TNRC18: variants seen among roughly 807,000 people sequenced by gnomAD.
TNRC18 encodes the protein trinucleotide repeat-containing gene 18 protein.
TNRC18 carries 69 observed loss-of-function variants against 226.7 expected under a neutral mutation model. That is an observed-to-expected ratio of 0.30 (90% CI 0.25 to 0.37). The LOEUF is 0.37. TNRC18 is among the 10% of genes least tolerant of loss of function. The pLI is 1.00. For missense variants in TNRC18, 4,754 were observed against 4,256.6 expected (o/e 1.12, Z -3.25); for synonymous variants, 2,449 against 1,927.6 (o/e 1.27, Z -7.09).
At chr7:5,410,449 T>A (rs1414213623) in intron 2 of TNRC18, among the ~76,000 whole-genome samples, 1 of 151,530 alleles carries the variant, frequency 6.6e-6, no homozygotes, top group Non-Finnish European at 1.5e-5. Context: ...ATACAAAAAA[T>A]TTCAGAATGA....
intron 2 of TNRC18, among the ~76,000 whole-genome samples, chr7:5,400,502 CGGGAG>C (rs1781010605): frequency 6.6e-6 from 1 of 151,990 alleles, no homozygotes. Context: ...CCCAGCTACT[CGGGAG>C]GTTTTTAGGA....
chr7:5,316,101 G>A, intron 24 of TNRC18, 29 bp from the exon 25 acceptor site: 1 of 1,574,234 alleles, frequency 6.4e-7, no homozygotes, highest in Non-Finnish European at 8.7e-7. Flanking sequence ...CTCAGGGGAG[G>A]CCCTCGGACC....
At chr7:5,412,794 G>A (rs1387987159) in intron 2 of TNRC18, among the ~76,000 whole-genome samples, 1 of 152,154 alleles carries the variant, frequency 6.6e-6, no homozygotes, top group Non-Finnish European at 1.5e-5. Context: ...GGATTACCAG[G>A]AGCTTCCAGG....
chr7:5,370,300 G>A, intron 11 of TNRC18, 75 bp downstream of exon 11: 7 of 1,465,220 alleles, frequency 4.8e-6, no homozygotes, highest in Non-Finnish European at 5.4e-6. Flanking sequence ...TCCAGCCTGG[G>A]CAACACAGCA....
At chr7:5,359,984 T>G (rs1792861716) in intron 14 of TNRC18, among the ~76,000 whole-genome samples, 4 of 150,210 alleles carry the variant, frequency 2.7e-5, no homozygotes, top group Admixed American at 2.6e-4. Flanking sequence ...TCTTTTCCAG[T>G]AAGGGAAAAA....
chr7:5,338,249 AAT>A (rs1453771874), intron 18 of TNRC18, among the ~76,000 whole-genome samples: 1 of 152,194 alleles, frequency 6.6e-6, no homozygotes, highest in African/African-American at 2.4e-5. Flanking sequence ...AACATATTCA[AAT>A]AAATTTGTTT....
chr7:5,406,012 A>T (rs1244384839), intron 2 of TNRC18, among the ~76,000 whole-genome samples: 3 of 152,230 alleles, frequency 2.0e-5, no homozygotes, highest in African/African-American at 7.2e-5. Context: ...GGGTAGAAAG[A>T]ACCCAGCTGT....
intron 17 of TNRC18, among the ~76,000 whole-genome samples, chr7:5,348,731 C>T (rs984312541): frequency 6.6e-6 from 1 of 151,954 alleles, no homozygotes; most frequent in Non-Finnish European, 1.5e-5. Context: ...GACTGGCCCC[C>T]GGAGCAATGG....
At chr7:5,344,080 C>T (rs555743905) in intron 18 of TNRC18, among the ~76,000 whole-genome samples, 3 of 152,174 alleles carry the variant, frequency 2.0e-5, no homozygotes, top group Non-Finnish European at 4.4e-5. Flanking sequence ...ACAGTCAACG[C>T]AGAATAAAGG....
rs1290831416 is a variant in TNRC18 at position 5,388,956 on chromosome 7, C to G, written c.868G>C (p.Asp290His). 2 of 1,386,386 alleles carry G rather than the reference C, an allele frequency of 1.4e-6. No individual in the cohort carries two copies. The highest frequency in any genetic ancestry group is 1.9e-6 in the Non-Finnish European group (2 of 1,064,680). The allele number at this position is 1,386,386 out of a possible 1,614,324, so 85.9% of individuals were successfully genotyped here. ...GCCACCAGCGCGGGCAGCCCCACGT[C>G]CCCGGCGCCGCCGTTGCACATGGTC... ...VLTMCNGGAG[D>H]VGLPALVAEA... is the part of the protein sequence containing the mutation. Residue 290 changes from aspartate (D) to histidine (H), a missense_variant, in exon 5 of 30, where the codon GAC becomes CAC. Transcript: ENST00000430969.
At position 5,389,108 on chromosome 7, in the gene TNRC18, ACCACGCCCCGTGGCCCCGAGGCCT is replaced by A. The variant is rs1333042886; in HGVS notation, c.692_715del (p.Glu231_Val238del). 1 of 1,316,164 alleles carries A rather than the reference ACCACGCCCCGTGGCCCCGAGGCCT, an allele frequency of 7.6e-7. No homozygotes were observed. The highest frequency in any genetic ancestry group is 1.6e-5 in the African/African-American group (1 of 62,684). The allele number at this position is 1,316,164 out of a possible 1,614,324, so 81.5% of individuals were successfully genotyped here. Reference sequence around the variant, plus strand: ...GGCGCGCGCCTCCTGGGTCAGGTCCACCACGCCCCGTGGCCCCGAGGCCTCCTCGCCCCGGGCGCGCGGGTCCTT... The same window carrying A: ...GGCGCGCGCCTCCTGGGTCAGGTCCACCTCGCCCCGGGCGCGCGGGTCCTT... On this transcript the variant is annotated inframe_deletion, in exon 5 of 30. Coordinates refer to ENST00000430969, the MANE Select transcript of TNRC18 (RefSeq NM_001080495.3).
Position 5,377,326 on chromosome 7 carries a change from A to T in TNRC18, c.2461+45T>A. 1 of 560,796 alleles carries T rather than the reference A, an allele frequency of 1.8e-6. No homozygotes were observed. Among genetic ancestry groups the T allele is most frequent in the Non-Finnish European group, 3.0e-6 (1 of 334,284 alleles). 34.7% of individuals were successfully genotyped at this position (560,796 alleles called of 1,614,324 possible). On this transcript the variant is annotated intron_variant, in intron 7 of 29. Coordinates refer to ENST00000430969, the MANE Select transcript of TNRC18 (RefSeq NM_001080495.3). This position sits in a 1 kb window ranked among gnomAD's most constrained non-coding sequence, Gnocchi z 5.8. ...TCTTGTCCTGCACCCGCCCCCTCCC[A>T]CCCCTCCCTCAGAGAAGGGGAGAGA... is the stretch of plus-strand genomic sequence containing the variant.
intron 18 of TNRC18, among the ~76,000 whole-genome samples, chr7:5,344,825 G>A (rs921155386): frequency 6.6e-5 from 10 of 152,184 alleles, no homozygotes; most frequent in African/African-American, 2.4e-4. Flanking sequence ...AGCCCGGTGA[G>A]AACAGGGAGG....
In TNRC18 at chr7:5,377,156, G is replaced by C. The variant is rs1178735212; in HGVS notation, c.2462-163C>G. Among the ~76,000 whole-genome samples, 1 of 152,216 alleles carries C rather than the reference G, an allele frequency of 6.6e-6. No individual in the cohort carries two copies. On this transcript the variant is annotated intron_variant, in intron 7 of 29. Transcript: ENST00000430969. This position sits in a 1 kb window ranked among gnomAD's most constrained non-coding sequence, Gnocchi z 5.8. ...CTGGCTGGCTGCAAAGAGCACCCCA[G>C]AGCCACCCGCATTGGGCATCTGCCC...
chr7:5,408,290 T>C (rs1353759940), intron 2 of TNRC18, among the ~76,000 whole-genome samples: 1 of 139,832 alleles, frequency 7.2e-6, no homozygotes, highest in African/African-American at 2.7e-5. Context: ...AGAACAAGAC[T>C]TCCGTCTCAA....
At position 5,315,171 on chromosome 7, in the gene TNRC18, G is replaced by A. The variant is rs533809429; in HGVS notation, c.6863-23C>T. 6 of 1,604,960 alleles carry A rather than the reference G, an allele frequency of 3.7e-6. No homozygotes were observed. In the African/African-American group the frequency reaches 4.0e-5, roughly 11 times the overall value. Reference sequence around the variant, plus strand: ...CACCTGTGGGGCAGAGGACAGAGTGGCTCATCAGGCCTGGGGTCCCCAGCT... The same window carrying A: ...CACCTGTGGGGCAGAGGACAGAGTGACTCATCAGGCCTGGGGTCCCCAGCT... On this transcript the variant is annotated intron_variant, in intron 25 of 29. Transcript: ENST00000430969.
chr7:5,315,415 G>C (rs4724546), intron 25 of TNRC18, among the ~76,000 whole-genome samples: 1 of 39,628 alleles, frequency 2.5e-5, no homozygotes, highest in Admixed American at 2.8e-4. Flanking sequence ...ACTTTTGTTG[G>C]GTTTTTTTTT....
At chr7:5,386,886 C>T (rs1779830212) in intron 5 of TNRC18, among the ~76,000 whole-genome samples, 1 of 152,252 alleles carries the variant, frequency 6.6e-6, no homozygotes, top group East Asian at 1.9e-4. Context: ...ACCAGCCTGA[C>T]CAACTTGGAG....
intron 15 of TNRC18, among the ~76,000 whole-genome samples, chr7:5,357,834 C>T (rs1279827122): frequency 6.6e-6 from 1 of 152,116 alleles, no homozygotes; most frequent in African/African-American, 2.4e-5. Context: ...CTGGGTATCG[C>T]AAGGTGCTTC....
Sources: allele counts gnomAD v4.1 joint callset (sites outside exome capture counted in the v4.1 genomes callset), GRCh38; gene constraint gnomAD v4.1.1; non-coding constraint Gnocchi (gnomAD v3.1); transcripts MANE v1.5; gene names NCBI Gene and HGNC (gene_info 2026-07-23, HGNC 2026-07-21).